The following ITGBL1 variants were observed in gnomAD, a reference collection of about 807,000 sequenced individuals.
The protein encoded by ITGBL1 is integrin subunit beta like 1, also known as integrin beta-like protein 1.
A neutral mutation model predicts 68.5 loss-of-function variants in ITGBL1; 51 were observed. The ratio of observed to expected loss-of-function variants is 0.74; its 90% confidence interval spans 0.59 to 0.94. The LOEUF (loss-of-function observed/expected upper bound fraction) is 0.94. ITGBL1 is among the 40% of genes least tolerant of loss of function. The probability of loss-of-function intolerance (pLI) is 0.00; values close to 1 mark genes in which losing one functional copy is unlikely to be tolerated. For missense variants in ITGBL1, 649 were observed against 647.4 expected, an observed-to-expected ratio of 1.00 and a Z score of -0.03; for synonymous variants, 209 against 227.3, an observed-to-expected ratio of 0.92 and a Z score of 0.72.
downstream of ITGBL1, chr13:101,717,327 GA>G (rs1409079105): frequency 1.3e-5 from 2 of 152,092 alleles, no homozygotes; most frequent in African/African-American, 2.4e-5. Flanking sequence ...TCTATCCTGA[GA>G]TTAAGGAGTG....
At chr13:101,579,246 T>C (rs770001004) in intron 4 of ITGBL1, 41 bp from the exon 5 acceptor site, 1 of 1,597,978 alleles carries the variant, frequency 6.3e-7, no homozygotes, top group South Asian at 1.1e-5. Flanking sequence ...CTTATGAAAG[T>C]TGCTTTTTTC....
intron 7 of ITGBL1, among the ~76,000 whole-genome samples, chr13:101,604,004 A>G (rs1038492474): frequency 6.6e-6 from 1 of 151,972 alleles, no homozygotes; most frequent in African/African-American, 2.4e-5. Flanking sequence ...ACAGAAACCA[A>G]TAGGGATATG....
intron 2 of ITGBL1, among the ~76,000 whole-genome samples, chr13:101,526,611 GCT>G (rs2049383571): frequency 6.6e-6 from 1 of 151,728 alleles, no homozygotes; most frequent in Admixed American, 6.6e-5. Context: ...GTTTCTAGGC[GCT>G]CTTTTGGTTT....
At chr13:101,547,429 GT>G (rs1160853635) in intron 2 of ITGBL1, among the ~76,000 whole-genome samples, 1 of 151,436 alleles carries the variant, frequency 6.6e-6, no homozygotes, top group East Asian at 1.9e-4. Context: ...ATTCTTTCTT[GT>G]TTAGTAAGAA....
rs11069451 is a variant in ITGBL1, at chr13:101,637,418, A to G, written c.1015+39119A>G. Reference sequence around the variant, plus strand: ...GAGTGCAGTGGTGCGATCTGGGCTCACTGCAACCACCGCCTCCTGGGTTCA... The same window carrying G: ...GAGTGCAGTGGTGCGATCTGGGCTCGCTGCAACCACCGCCTCCTGGGTTCA... On this transcript the variant is annotated intron_variant, in intron 7 of 10. Transcript: ENST00000376180. Among the ~76,000 whole-genome samples the G allele has an allele frequency of 6.8e-3, 994 of 146,638 alleles. 7 individuals carry two copies. The highest frequency in any genetic ancestry group is 0.023 in the African/African-American group (900 of 39,338).
intron 2 of ITGBL1, among the ~76,000 whole-genome samples, chr13:101,519,129 T>C (rs1473177440): frequency 6.6e-6 from 1 of 152,128 alleles, no homozygotes; most frequent in Non-Finnish European, 1.5e-5. Context: ...TAATGGAATA[T>C]CAAGGGGAGC....
At chr13:101,712,517 T>C (rs2034516030) in intron 9 of ITGBL1, 1 of 152,152 alleles carries the variant, frequency 6.6e-6, no homozygotes, top group Non-Finnish European at 1.5e-5. Context: ...ATTTCATGAA[T>C]TGTGACATAT....
At chr13:101,535,864 T>A (rs1462453913) in intron 2 of ITGBL1, among the ~76,000 whole-genome samples, 1 of 152,158 alleles carries the variant, frequency 6.6e-6, no homozygotes, top group African/African-American at 2.4e-5. Flanking sequence ...AGTTCTCATA[T>A]GGCTGTTAGG....
At chr13:101,645,751 C>T (rs1318170295) in intron 7 of ITGBL1, among the ~76,000 whole-genome samples, 1 of 152,000 alleles carries the variant, frequency 6.6e-6, no homozygotes, top group African/African-American at 2.4e-5. Flanking sequence ...AGGTTCATGC[C>T]CCGCAACTGC....
chr13:101,574,767 C>T (rs898427301), intron 3 of ITGBL1, among the ~76,000 whole-genome samples: 5 of 151,986 alleles, frequency 3.3e-5, no homozygotes, highest in African/African-American at 9.7e-5. Context: ...GTATATGGCT[C>T]GTGGTAGACC....
intron 1 of ITGBL1, among the ~76,000 whole-genome samples, chr13:101,453,511 G>A (rs887150460): frequency 4.6e-5 from 7 of 152,206 alleles, no homozygotes; most frequent in Admixed American, 6.5e-5. Flanking sequence ...GAACTGAAAA[G>A]TCAGCTGAGT....
At chr13:101,640,257 AC>A (rs2032317612) in intron 7 of ITGBL1, among the ~76,000 whole-genome samples, 1 of 152,216 alleles carries the variant, frequency 6.6e-6, no homozygotes, top group African/African-American at 2.4e-5. Context: ...CTTGTTTATC[AC>A]AAGTGGAATA....
intron 7 of ITGBL1, among the ~76,000 whole-genome samples, chr13:101,682,381 T>A (rs2033664007): frequency 6.6e-6 from 1 of 152,158 alleles, no homozygotes; most frequent in Non-Finnish European, 1.5e-5. Flanking sequence ...ATTTTGTTTA[T>A]ATAAATCTTG....
At chr13:101,660,498 G>A (rs931875891) in intron 7 of ITGBL1, among the ~76,000 whole-genome samples, 9 of 152,188 alleles carry the variant, frequency 5.9e-5, no homozygotes, top group Non-Finnish European at 1.3e-4. Context: ...AGAAATTGGA[G>A]AAGTTGCAAA....
intron 2 of ITGBL1, among the ~76,000 whole-genome samples, chr13:101,459,977 C>A (rs1282898881): frequency 1.3e-5 from 2 of 152,096 alleles, no homozygotes; most frequent in Non-Finnish European, 2.9e-5. Context: ...GCTCTTGAGG[C>A]TGCCTGAGGA....
intron 2 of ITGBL1, among the ~76,000 whole-genome samples, chr13:101,564,375 T>G (rs1261538934): frequency 6.6e-6 from 1 of 151,808 alleles, no homozygotes; most frequent in Non-Finnish European, 1.5e-5. Context: ...TTAATTAAGA[T>G]CAAAACCTTT....
At chr13:101,457,327 C>G (rs1166414043) in intron 2 of ITGBL1, among the ~76,000 whole-genome samples, 1 of 152,070 alleles carries the variant, frequency 6.6e-6, no homozygotes, top group African/African-American at 2.4e-5. Context: ...TGATTCAAGG[C>G]CCAAAAAGTC....
chr13:101,660,531 G>A (rs2033055640), intron 7 of ITGBL1, among the ~76,000 whole-genome samples: 2 of 152,126 alleles, frequency 1.3e-5, no homozygotes, highest in Non-Finnish European at 2.9e-5. Flanking sequence ...TGGAATAATG[G>A]GTGTTAATTA....
intron 2 of ITGBL1, among the ~76,000 whole-genome samples, chr13:101,458,858 C>T (rs939605348): frequency 1.4e-4 from 22 of 152,206 alleles, no homozygotes; most frequent in Admixed American, 1.2e-3. Flanking sequence ...GAGGCCCGAC[C>T]GTATGGTGCC....
Sources: gnomAD v4.1 joint callset for allele counts (sites outside exome capture counted in the v4.1 genomes callset) on GRCh38, gnomAD v4.1.1 for gene constraint, MANE v1.5 for transcripts, NCBI Gene and HGNC (gene_info 2026-07-23, HGNC 2026-07-21) for gene names.